MTCL1: variants seen among roughly 807,000 people sequenced by gnomAD.
The protein encoded by MTCL1 is microtubule cross-linking factor 1.
MTCL1 carries 79 observed loss-of-function variants against 141.4 expected under a neutral mutation model. That is an observed-to-expected ratio of 0.56 (90% CI 0.47 to 0.67). The LOEUF is 0.67. Among genes scored for constraint, MTCL1 ranks in the 30% least tolerant of loss-of-function variants. The probability of loss-of-function intolerance (pLI) is 0.00; values close to 1 mark genes in which losing one functional copy is unlikely to be tolerated. For synonymous variants in MTCL1, 914 were observed against 875.8 expected (o/e 1.04, Z -0.77); for missense variants, 2,177 against 2,113.9 (o/e 1.03, Z -0.59).
rs71356268 is a variant in MTCL1 at position 8,805,102 on chromosome 18, A to AAT, written c.2437-1775_2437-1774dup. Among the ~76,000 whole-genome samples, 1,429 of 146,302 alleles carry AAT rather than the reference A, an allele frequency of 9.8e-3. 21 individuals are homozygous for AAT. The highest frequency in any genetic ancestry group is 0.026 in the South Asian group (120 of 4,670). On this transcript the variant is annotated intron_variant, in intron 10 of 16. Transcript: ENST00000359865. ...TCTTTTTAATACAACTTTATTTTTG[A>AAT]ATATATATATATATATAGAATTTTA...
At chr18:8,812,825 T>A in intron 11 of MTCL1, 154 bp from the exon 11 acceptor site, 1 of 929,342 alleles carries the variant, frequency 1.1e-6, no homozygotes, top group Admixed American at 2.9e-5. Context: ...CGCTCTTAAT[T>A]AGGACTTTAA....
In MTCL1 at chr18:8,828,115, A is replaced by G. The variant is rs1418146124; in HGVS notation, c.4723-793A>G. ...TGAATTGATGTAATATATTCAGGCC[A>G]TTGCAACCCCTTCCCATTGCTCCAT... On this transcript the variant is annotated intron_variant, in intron 15 of 16. Transcript: ENST00000359865. The surrounding 1 kb of genome is among the most constrained non-coding windows in gnomAD (Gnocchi z 5.2). Among the ~76,000 whole-genome samples, 1 of 152,060 alleles carries G rather than the reference A, an allele frequency of 6.6e-6. No homozygotes were observed. Among genetic ancestry groups the G allele is most frequent in the Non-Finnish European group, 1.5e-5 (1 of 68,004 alleles).
intron 8 of MTCL1, among the ~76,000 whole-genome samples, chr18:8,795,357 C>T (rs1362814426): frequency 6.6e-6 from 1 of 152,170 alleles, no homozygotes; most frequent in Non-Finnish European, 1.5e-5. Context: ...GGCATTCGAA[C>T]CTTTTATTGG....
intron 12 of MTCL1, among the ~76,000 whole-genome samples, chr18:8,816,548 A>G (rs3865385): frequency 0.65 from 97,972 of 151,416 alleles, 31,971 homozygotes; most frequent in Non-Finnish European, 0.68. Context: ...GTCACACTAC[A>G]TTTCTCCTTA....
At chr18:8,732,637 C>T (rs1329029921) in intron 4 of MTCL1, among the ~76,000 whole-genome samples, 4 of 152,024 alleles carry the variant, frequency 2.6e-5, no homozygotes, top group Admixed American at 6.6e-5. Context: ...GAAAAGACGC[C>T]GAGTCACCCA....
At chr18:8,803,724 T>C (rs1260412689) in intron 10 of MTCL1, among the ~76,000 whole-genome samples, 1 of 152,252 alleles carries the variant, frequency 6.6e-6, no homozygotes, top group Admixed American at 6.5e-5. Flanking sequence ...TCCGCAATGA[T>C]TAATATTATC....
intron 7 of MTCL1, chr18:8,787,022 C>T (rs2096558671): frequency 6.4e-6 from 1 of 155,728 alleles, no homozygotes. Flanking sequence ...TTCCGTCCTT[C>T]AAGGTGTGTC....
At chr18:8,736,255 C>T (rs1477073155) in intron 4 of MTCL1, among the ~76,000 whole-genome samples, 1 of 152,178 alleles carries the variant, frequency 6.6e-6, no homozygotes, top group Non-Finnish European at 1.5e-5. Flanking sequence ...TGACATCATG[C>T]ATCTTAAAAT....
rs375168888 is a variant in MTCL1, at chr18:8,784,836, A to G, written c.1724A>G (p.Asp575Gly). 124 of 1,592,166 alleles carry G rather than the reference A, an allele frequency of 7.8e-5. No individual in the cohort carries two copies. Among genetic ancestry groups the G allele is most frequent in the Middle Eastern group, 1.7e-4 (1 of 5,982 alleles). ...AACCTGGGGAAGGAGCTGGGCCCAG[A>G]CTTGCAGGTAAGGGGGCTCGTGGCT... The change falls in exon 6 of 17, where the codon GAC becomes GGC. Residue 575 changes from aspartate (D) to glycine (G), a missense_variant. Physicochemically the swap from Asp to Gly is moderately conservative, Grantham distance 94. Transcript: ENST00000359865.
At chr18:8,714,860 G>A (rs553347329), upstream of MTCL1, among the ~76,000 whole-genome samples, 98 of 151,926 alleles carry the variant, frequency 6.5e-4, 1 homozygote, top group Admixed American at 3.3e-3. Context: ...GCAGTGGCGC[G>A]ATTTCCACTC....
At chr18:8,796,912 T>C (rs1347282050) in intron 9 of MTCL1, among the ~76,000 whole-genome samples, 1 of 152,250 alleles carries the variant, frequency 6.6e-6, no homozygotes, top group African/African-American at 2.4e-5. Context: ...TGGGATACAA[T>C]TGCAGTTTTC....
chr18:8,764,246 G>A (rs1013155283), intron 4 of MTCL1, among the ~76,000 whole-genome samples: 4 of 151,840 alleles, frequency 2.6e-5, no homozygotes, highest in African/African-American at 7.3e-5. Flanking sequence ...GCTTTTTATG[G>A]TTATCACTTG....
In MTCL1 at chr18:8,774,046, A is replaced by G. The variant is rs932694097; in HGVS notation, c.358-3787A>G. The stretch of plus-strand genomic sequence containing the variant: ...GCTTTGCAGGCCCCAACAGTTTGTC[A>G]CTAGTGCTCTACTCCGCCCTCGCAG... On this transcript the variant is annotated intron_variant, in intron 4 of 16. Coordinates refer to ENST00000359865, the Ensembl canonical transcript of MTCL1. Among the ~76,000 whole-genome samples the G allele has an allele frequency of 2.3e-4, 35 of 152,212 alleles. 1 individual carries two copies. The highest frequency in any genetic ancestry group is 2.0e-3 in the Admixed American group (31 of 15,286).
At chr18:8,766,472 T>TA (rs1388445933) in intron 4 of MTCL1, among the ~76,000 whole-genome samples, 1 of 152,220 alleles carries the variant, frequency 6.6e-6, no homozygotes, top group African/African-American at 2.4e-5. Context: ...ACGATAGCTT[T>TA]AGCTGTTGAA....
intron 8 of MTCL1, 138 bp downstream of exon 7, chr18:8,793,258 A>AC: frequency 8.2e-7 from 1 of 1,223,460 alleles, no homozygotes; most frequent in Non-Finnish European, 1.1e-6. Context: ...TGGAAAGGTC[A>AC]CCCAGTCAAG....
At chr18:8,753,550 C>T (rs763955132) in intron 4 of MTCL1, among the ~76,000 whole-genome samples, 9 of 152,226 alleles carry the variant, frequency 5.9e-5, no homozygotes, top group South Asian at 2.1e-4. Context: ...CTTTGAAAGA[C>T]AGTCCAGCTC....
chr18:8,786,023 C>A, exon 7 of MTCL1: 1 of 1,605,452 alleles, frequency 6.2e-7, no homozygotes, highest in Non-Finnish European at 8.5e-7. Flanking sequence ...CGCGCGGGAG[C>A]TGCACCGCCG....
chr18:8,821,465 A>G lies in MTCL1; in HGVS notation c.3157-2A>G. On this transcript the variant is annotated splice_acceptor_variant, in intron 13 of 16. Coordinates refer to ENST00000359865, the Ensembl canonical transcript of MTCL1. LOFTEE classifies it high-confidence loss of function. ...TCAGATGAAGTTATTTCTTCTTTAT[A>G]GGAAGAAGAAAATCACAAAGGAAAT... The G allele has an allele frequency of 1.4e-6, 2 of 1,442,070 alleles. No individual in the cohort carries two copies. Among genetic ancestry groups the G allele is most frequent in the Non-Finnish European group, 1.9e-6 (2 of 1,035,540 alleles). 89.3% of individuals were successfully genotyped at this position (1,442,070 alleles called of 1,614,324 possible).
At chr18:8,751,067 TG>T (rs1180881300) in intron 4 of MTCL1, among the ~76,000 whole-genome samples, 1 of 151,958 alleles carries the variant, frequency 6.6e-6, no homozygotes, top group Non-Finnish European at 1.5e-5. Context: ...GAAGGACCAG[TG>T]GGTGTGGGCA....
Sources: allele counts gnomAD v4.1 joint callset (sites outside exome capture counted in the v4.1 genomes callset), GRCh38; gene constraint gnomAD v4.1.1; non-coding constraint Gnocchi (gnomAD v3.1); transcripts MANE v1.5; gene names NCBI Gene and HGNC (gene_info 2026-07-23, HGNC 2026-07-21).